RIMBP2: variants seen among roughly 807,000 people sequenced by gnomAD.
The protein encoded by RIMBP2 is RIMS binding protein 2, also known as RIMS-binding protein 2.
Under a neutral mutation model 118.6 loss-of-function variants are expected in RIMBP2, and 48 were observed. The observed-to-expected ratio is 0.40, with a 90% confidence interval of 0.32 to 0.51. RIMBP2 has a LOEUF of 0.51. Ranked by LOEUF, RIMBP2 falls within the 20% of genes least tolerant of loss-of-function variation. RIMBP2 has a pLI of 0.41. For synonymous variants in RIMBP2, 762 were observed against 742.9 expected (o/e 1.03, Z -0.42); for missense variants, 1,551 against 1,768.3 (o/e 0.88, Z 2.20).
rs141670010 is a variant in RIMBP2, at chr12:130,442,529, C to T, written c.823G>A (p.Gly275Ser). 3.2e-5 allele frequency: 51 copies of T among 1,614,172 alleles called. No homozygotes were observed. The highest frequency in any genetic ancestry group is 1.6e-4 in the Middle Eastern group (1 of 6,062). The change falls in exon 11 of 23, where the codon GGC becomes AGC. Residue 275 changes from glycine to serine, a missense_variant. Transcript: ENST00000690449. The surrounding 1 kb of genome is among the most constrained non-coding windows in gnomAD (Gnocchi z 6.9). The stretch of plus-strand genomic sequence containing the variant: ...TCCAGGATGTGCTCTCCCTCCAGGC[C>T]GATGCCGGAATGGTTGATGAAGTTC... Reference protein sequence around the residue: ...DQNFINHSGIGLEGEHILDLH... With the variant: ...DQNFINHSGISLEGEHILDLH...
rs185174635 is a variant in RIMBP2 at position 130,614,371 on chromosome 12, G to A, written c.-217+13951C>T. 1.6e-4 allele frequency among the ~76,000 whole-genome samples: 24 copies of A among 152,280 alleles called. 1 individual carries two copies. Among genetic ancestry groups the A allele is most frequent in the African/African-American group, 5.8e-4 (24 of 41,562 alleles). ...CAGTGAGCAACGTAAACAAACCGAC[G>A]ACATTCCCTCTGCCCTAACAACACA... On this transcript the variant is annotated intron_variant, in intron 2 of 22. Coordinates refer to ENST00000690449, the MANE Select transcript of RIMBP2 (RefSeq NM_001393629.1).
chr12:130,563,180 C>T (rs951129825), intron 2 of RIMBP2, among the ~76,000 whole-genome samples: 2 of 152,224 alleles, frequency 1.3e-5, no homozygotes, highest in African/African-American at 4.8e-5. Flanking sequence ...CACACAAGGA[C>T]CCACCCTGTC....
At chr12:130,611,712 G>A (rs981537498) in intron 2 of RIMBP2, among the ~76,000 whole-genome samples, 8 of 152,056 alleles carry the variant, frequency 5.3e-5, no homozygotes, top group African/African-American at 1.4e-4. Flanking sequence ...CACATGCTGC[G>A]GAGTCTTGGA....
intron 22 of RIMBP2, chr12:130,399,251 G>T: frequency 1.4e-6 from 1 of 708,628 alleles, no homozygotes; most frequent in Non-Finnish European, 2.0e-6. Flanking sequence ...AAATAAAAAT[G>T]AGATACTAAA....
chr12:130,502,428 C>T (rs2049890236), intron 4 of RIMBP2, among the ~76,000 whole-genome samples: 1 of 152,062 alleles, frequency 6.6e-6, no homozygotes, highest in Non-Finnish European at 1.5e-5. Context: ...TTTTACTTCC[C>T]TGCCCCTCCC....
At chr12:130,641,994 G>A (rs1480736772) in intron 1 of RIMBP2, among the ~76,000 whole-genome samples, 3 of 152,114 alleles carry the variant, frequency 2.0e-5, no homozygotes, top group African/African-American at 7.2e-5. Flanking sequence ...GGCAACCAGA[G>A]GTCAAATGCT....
In RIMBP2 at chr12:130,663,743, G is replaced by A. The variant is rs1041604191; in HGVS notation, c.-351-35287C>T. On this transcript the variant is annotated intron_variant, in intron 1 of 22. Coordinates refer to ENST00000690449, the MANE Select transcript of RIMBP2 (RefSeq NM_001393629.1). The stretch of plus-strand genomic sequence containing the variant: ...GGAACTTCCCGCTGGGTACTTTAAC[G>A]AAGTTTTGGGTTCACTGGCTTCCTG... Among the ~76,000 whole-genome samples the A allele has an allele frequency of 5.3e-4, 80 of 151,734 alleles. 1 individual carries two copies. The highest frequency in any genetic ancestry group is 2.2e-4 in the Non-Finnish European group (15 of 68,040).
rs1457350877 is a variant in RIMBP2, at chr12:130,446,022, C to CCG, written c.582-754_582-753insCG. The stretch of plus-strand genomic sequence containing the variant: ...AAACAGACGCATGATTTTATGCTCC[C>CCG]CCCCCCCACACCCCCAGGAATATAA... On this transcript the variant is annotated intron_variant, in intron 9 of 22. Coordinates refer to ENST00000690449, the MANE Select transcript of RIMBP2 (RefSeq NM_001393629.1). This position sits in a 1 kb window ranked among gnomAD's most constrained non-coding sequence, Gnocchi z 4.1. Among the ~76,000 whole-genome samples, 1 of 104,460 alleles carries CCG rather than the reference C, an allele frequency of 9.6e-6. No individual in the cohort carries two copies. The highest frequency in any genetic ancestry group is 3.0e-4 in the East Asian group (1 of 3,360). 68.5% of individuals were successfully genotyped at this position (104,460 alleles called of 152,430 possible). A position where few individuals can be genotyped will look rare whatever the true frequency, so the allele number is the denominator to read the frequency against.
intron 21 of RIMBP2, among the ~76,000 whole-genome samples, chr12:130,405,243 G>T (rs2075049642): frequency 1.3e-5 from 2 of 152,166 alleles, no homozygotes; most frequent in African/African-American, 4.8e-5. Context: ...GAGCTGGAAA[G>T]AACTATTTGA....
rs2076270247 is a variant in RIMBP2, at chr12:130,419,110, G to T, written c.3238+3343C>A. 6.6e-6 allele frequency among the ~76,000 whole-genome samples: 1 copy of T among 152,212 alleles called. No individual in the cohort carries two copies. Among genetic ancestry groups the T allele is most frequent in the South Asian group, 2.1e-4 (1 of 4,828 alleles). On this transcript the variant is annotated intron_variant, in intron 17 of 22. Coordinates refer to ENST00000690449, the MANE Select transcript of RIMBP2 (RefSeq NM_001393629.1). This position sits in a 1 kb window ranked among gnomAD's most constrained non-coding sequence, Gnocchi z 4.3. ...GTTATGAGCACCAAACCTCGACAGG[G>T]AAAGAGTAGCAGCCTCCCTGGAATG...
At chr12:130,483,977 G>C (rs2082272619) in intron 4 of RIMBP2, among the ~76,000 whole-genome samples, 1 of 152,118 alleles carries the variant, frequency 6.6e-6, no homozygotes, top group Non-Finnish European at 1.5e-5. Flanking sequence ...GGGCTGCGAG[G>C]GCTTCCGCGG....
chr12:130,457,894 C>T (rs1761188053), intron 6 of RIMBP2, among the ~76,000 whole-genome samples: 5 of 151,900 alleles, frequency 3.3e-5, no homozygotes, highest in African/African-American at 1.2e-4. Context: ...CTTGCCACTC[C>T]TTACTTTAGG....
Position 130,525,187 on chromosome 12 carries a change from C to A in RIMBP2, c.-216-7270G>T, listed in dbSNP as rs964549673. On this transcript the variant is annotated intron_variant, in intron 2 of 22. Transcript: ENST00000690449. The surrounding 1 kb of genome is among the most constrained non-coding windows in gnomAD (Gnocchi z 4.4). Reference sequence around the variant, plus strand: ...TGAGCCGTTCCTGTAGAGTGCAGGGCAGAAGCAATGGGAAGCCAGCTCCAG... The same window carrying A: ...TGAGCCGTTCCTGTAGAGTGCAGGGAAGAAGCAATGGGAAGCCAGCTCCAG... Among the ~76,000 whole-genome samples, 4 of 152,190 alleles carry A rather than the reference C, an allele frequency of 2.6e-5. No individual in the cohort carries two copies. Among genetic ancestry groups the A allele is most frequent in the African/African-American group, 9.7e-5 (4 of 41,434 alleles).
chr12:130,652,847 A>G (rs80162980), intron 1 of RIMBP2, among the ~76,000 whole-genome samples: 9,984 of 152,230 alleles, frequency 0.066, 1,128 homozygotes, highest in African/African-American at 0.23. Context: ...TGGGAGCAAG[A>G]GAGCAAGGGG....
chr12:130,654,113 C>A (rs2136290939), intron 1 of RIMBP2, among the ~76,000 whole-genome samples: 1 of 152,294 alleles, frequency 6.6e-6, no homozygotes, highest in Non-Finnish European at 1.5e-5. Flanking sequence ...TGCTTGGATT[C>A]CTCTTTTGAA....
intron 2 of RIMBP2, among the ~76,000 whole-genome samples, chr12:130,543,807 A>G (rs946508046): frequency 1.3e-5 from 2 of 152,050 alleles, no homozygotes; most frequent in Non-Finnish European, 1.5e-5. Context: ...GCACTGCTGC[A>G]TCTTGCCAGT....
At chr12:130,503,974 T>C (rs1470296305) in intron 4 of RIMBP2, among the ~76,000 whole-genome samples, 1 of 152,206 alleles carries the variant, frequency 6.6e-6, no homozygotes, top group Non-Finnish European at 1.5e-5. Flanking sequence ...TCATCAATTA[T>C]CATTTTTTAA....
chr12:130,531,850 T>C (rs1224184926), intron 2 of RIMBP2, among the ~76,000 whole-genome samples: 2 of 151,190 alleles, frequency 1.3e-5, no homozygotes, highest in East Asian at 1.9e-4. Flanking sequence ...TCTAATGAGA[T>C]GCGTATGTTT....
At chr12:130,657,519 C>T (rs1468212520) in intron 1 of RIMBP2, among the ~76,000 whole-genome samples, 4 of 152,214 alleles carry the variant, frequency 2.6e-5, no homozygotes, top group Admixed American at 2.0e-4. Context: ...ACTGATAGAG[C>T]TTGGGGGATG....
Sources: allele counts gnomAD v4.1 joint callset (sites outside exome capture counted in the v4.1 genomes callset), GRCh38; gene constraint gnomAD v4.1.1; non-coding constraint Gnocchi (gnomAD v3.1); transcripts MANE v1.5; gene names NCBI Gene and HGNC (gene_info 2026-07-23, HGNC 2026-07-21).